Variants in RAB39A observed in about 807,000 individuals in gnomAD.
RAB39A encodes the protein RAB39A, member RAS oncogene family.
In RAB39A, 17 loss-of-function variants were observed where a neutral mutation model predicts 20.9. The observed-to-expected ratio is 0.81, with a 90% CI of 0.56 to 1.22. The LOEUF (loss-of-function observed/expected upper bound fraction) is 1.22. Ranked by LOEUF, RAB39A falls within the 50% of genes most tolerant of loss-of-function variation. The pLI is 0.00. For missense variants in RAB39A, 234 were observed against 270.5 expected (o/e 0.87, Z 0.95); for synonymous variants, 99 against 103.4 (o/e 0.96, Z 0.26).
At chr11:107,934,929 CA>C (rs55682157) in intron 1 of RAB39A, among the ~76,000 whole-genome samples, 49,558 of 101,064 alleles carry the variant, frequency 0.49, 9,765 homozygotes, top group East Asian at 0.66. Flanking sequence ...GACTTCGTCT[CA>C]AAAAAAAAAA....
chr11:107,940,922 G>A (rs981389499), intron 1 of RAB39A, among the ~76,000 whole-genome samples: 1 of 151,976 alleles, frequency 6.6e-6, no homozygotes, highest in Non-Finnish European at 1.5e-5. Context: ...GCAGAGAGCC[G>A]AGATCACGCC....
intron 1 of RAB39A, among the ~76,000 whole-genome samples, chr11:107,929,661 A>C (rs1300627140): frequency 6.6e-6 from 1 of 152,210 alleles, no homozygotes; most frequent in Non-Finnish European, 1.5e-5. Context: ...GATCCAAATG[A>C]ATAGTCTCCT....
intron 1 of RAB39A, among the ~76,000 whole-genome samples, chr11:107,945,318 C>T (rs1454048474): frequency 4.6e-5 from 4 of 87,436 alleles, no homozygotes; most frequent in East Asian, 3.3e-4. Flanking sequence ...CCCGTCTCTA[C>T]AAAAAAAAAA....
intron 1 of RAB39A, among the ~76,000 whole-genome samples, chr11:107,930,222 GA>G (rs1861122071): frequency 6.6e-6 from 1 of 151,356 alleles, no homozygotes; most frequent in African/African-American, 2.4e-5. Flanking sequence ...AGAATTCCAT[GA>G]AAAATGTTTT....
chr11:107,946,452 ATATATATATTTTTTTTTTTTTT>A (rs1861316968), intron 1 of RAB39A, among the ~76,000 whole-genome samples: 1 of 71,778 alleles, frequency 1.4e-5, no homozygotes, highest in Non-Finnish European at 2.6e-5. Context: ...ATATATATAT[ATATATATATTTTTTTTTTTTTT>A]TTTTTTTTTT....
intron 1 of RAB39A, among the ~76,000 whole-genome samples, chr11:107,952,849 C>T (rs1861395286): frequency 6.6e-6 from 1 of 152,200 alleles, no homozygotes; most frequent in African/African-American, 2.4e-5. Flanking sequence ...CGCCATTGCA[C>T]TCCAGCCTGG....
chr11:107,941,345 T>C (rs983251234), intron 1 of RAB39A, among the ~76,000 whole-genome samples: 5 of 152,136 alleles, frequency 3.3e-5, no homozygotes, highest in African/African-American at 1.2e-4. Flanking sequence ...AACTGATACC[T>C]GAAAGAAAAA....
intron 1 of RAB39A, among the ~76,000 whole-genome samples, chr11:107,946,950 C>G (rs1451073851): frequency 6.6e-6 from 1 of 151,786 alleles, no homozygotes; most frequent in Non-Finnish European, 1.5e-5. Context: ...GCCAGACGTG[C>G]TCGCTTGAAC....
intron 1 of RAB39A, among the ~76,000 whole-genome samples, chr11:107,942,299 C>T (rs1861268440): frequency 6.6e-6 from 1 of 152,164 alleles, no homozygotes. Context: ...CAGAGGTCAA[C>T]CACGCTGTGG....
rs900390145 is a variant in RAB39A at position 107,962,985 on chromosome 11, A to T, written c.*613A>T. On this transcript the variant is annotated 3_prime_UTR_variant, in exon 2 of 2. Coordinates refer to ENST00000320578, the MANE Select transcript of RAB39A (RefSeq NM_017516.3). ...TAAAAATGCATTATGTTTTACAAAG[A>T]TATCTAAGGATCCAAGCAAACTACT... 1.3e-5 allele frequency: 2 copies of T among 152,164 alleles called. No homozygotes were observed. The highest frequency in any genetic ancestry group is 2.4e-5 in the African/African-American group (1 of 41,442). The allele number at this position is 152,164 out of a possible 1,614,324, so 9.4% of individuals were successfully genotyped here.
intron 1 of RAB39A, among the ~76,000 whole-genome samples, chr11:107,931,039 C>T (rs1479831796): frequency 2.7e-5 from 4 of 149,396 alleles, no homozygotes; most frequent in South Asian, 2.1e-4. Flanking sequence ...TGCAATGGCG[C>T]GATCTCTGCT....
chr11:107,929,562 A>C (rs148208934), intron 1 of RAB39A, among the ~76,000 whole-genome samples: 1 of 152,230 alleles, frequency 6.6e-6, no homozygotes, highest in East Asian at 1.9e-4. Context: ...GGAAAAAGAC[A>C]TATATTGAGA....
intron 1 of RAB39A, among the ~76,000 whole-genome samples, chr11:107,944,094 CAA>C (rs753877590): frequency 1.4e-4 from 18 of 130,266 alleles, no homozygotes; most frequent in Admixed American, 1.6e-4. Flanking sequence ...GACTCCATCT[CAA>C]AAAAAAAAAA....
intron 1 of RAB39A, among the ~76,000 whole-genome samples, chr11:107,938,800 C>T (rs769867909): frequency 1.3e-5 from 2 of 150,942 alleles, no homozygotes; most frequent in Non-Finnish European, 3.0e-5. Context: ...GCATTCAGAA[C>T]ATTTTGTGTG....
In RAB39A at chr11:107,952,533, A is replaced by G. The variant is rs1453399764; in HGVS notation, c.228-9413A>G. On this transcript the variant is annotated intron_variant, in intron 1 of 1. Transcript: ENST00000320578. Reference sequence around the variant, plus strand: ...GAGGTGGAGGTTGCAGTAAGCCGAGACCGTGCCATTGTGTTCCAGCCTGAG... The same window carrying G: ...GAGGTGGAGGTTGCAGTAAGCCGAGGCCGTGCCATTGTGTTCCAGCCTGAG... 2.6e-5 allele frequency among the ~76,000 whole-genome samples: 4 copies of G among 151,968 alleles called. 1 individual carries two copies. Among genetic ancestry groups the G allele is most frequent in the Admixed American group, 2.0e-4 (3 of 15,232 alleles).
intron 1 of RAB39A, among the ~76,000 whole-genome samples, chr11:107,946,737 G>A (rs1861323109): frequency 6.6e-6 from 1 of 150,770 alleles, no homozygotes; most frequent in East Asian, 2.0e-4. Flanking sequence ...GCCTCCCAAG[G>A]TGCTGAGATT....
chr11:107,931,049 T>G (rs867481963), intron 1 of RAB39A, among the ~76,000 whole-genome samples: 4 of 150,346 alleles, frequency 2.7e-5, no homozygotes, highest in Non-Finnish European at 5.9e-5. Flanking sequence ...CGATCTCTGC[T>G]CACTGCAAAC....
intron 1 of RAB39A, among the ~76,000 whole-genome samples, chr11:107,949,964 A>C (rs1424391928): frequency 6.6e-6 from 1 of 151,826 alleles, no homozygotes; most frequent in African/African-American, 2.4e-5. Context: ...CAAGGTGAGG[A>C]GATCGAGACC....
intron 1 of RAB39A, among the ~76,000 whole-genome samples, chr11:107,946,436 G>A (rs58582195): frequency 0.051 from 1,558 of 30,334 alleles, 47 homozygotes; most frequent in African/African-American, 0.1. Context: ...GTGTGTGTGT[G>A]TATATATATA....
Sources: gnomAD v4.1 joint callset for allele counts (sites outside exome capture counted in the v4.1 genomes callset) on GRCh38, gnomAD v4.1.1 for gene constraint, MANE v1.5 for transcripts, NCBI Gene and HGNC (gene_info 2026-07-23, HGNC 2026-07-21) for gene names.